The following SFMBT2 variants were observed in gnomAD, a reference collection of about 807,000 sequenced individuals.
The protein encoded by SFMBT2 is scm-like with four MBT domains protein 2.
In SFMBT2, 38 loss-of-function variants were observed where a neutral mutation model predicts 110.1. The ratio of observed to expected loss-of-function variants is 0.35; its 90% CI spans 0.27 to 0.45. SFMBT2 has a LOEUF of 0.45. Ranked by LOEUF, SFMBT2 falls within the 20% of genes least tolerant of loss-of-function variation. SFMBT2 has a pLI of 1.00. For synonymous variants in SFMBT2, 425 were observed against 425.4 expected, an observed-to-expected ratio of 1.00 and a Z score of 0.01; for missense variants, 1,011 against 1,094.9, an observed-to-expected ratio of 0.92 and a Z score of 1.08.
chr10:7,396,504 A>T (rs951363410), intron 1 of SFMBT2, among the ~76,000 whole-genome samples: 3 of 152,180 alleles, frequency 2.0e-5, no homozygotes, highest in African/African-American at 7.2e-5. Flanking sequence ...AATATTAGGC[A>T]AATTTGGGTA....
chr10:7,382,204 G>A (rs1845445863), intron 1 of SFMBT2, among the ~76,000 whole-genome samples: 1 of 152,100 alleles, frequency 6.6e-6, no homozygotes, highest in South Asian at 2.1e-4. Flanking sequence ...GAGGTCAGGA[G>A]TTCGAGACCA....
intron 4 of SFMBT2, among the ~76,000 whole-genome samples, chr10:7,347,844 C>G (rs1201324296): frequency 6.6e-6 from 1 of 152,200 alleles, no homozygotes; most frequent in Non-Finnish European, 1.5e-5. Flanking sequence ...AACATTCACC[C>G]TGCAGAATCC....
At chr10:7,213,152 C>T (rs2462721) in intron 11 of SFMBT2, among the ~76,000 whole-genome samples, 89,902 of 151,806 alleles carry the variant, frequency 0.59, 26,905 homozygotes, top group East Asian at 0.87. Context: ...ACCTAGATGA[C>T]GGGTTGATGG....
Position 7,206,445 on chromosome 10 carries a change from A to C in SFMBT2, c.1331-517T>G, listed in dbSNP as rs919323058. ...CAGCTAAACGGAACCAGTCAAACTC[A>C]AAAACAAGGTTTATGAGCAGTGTAC... is the stretch of plus-strand genomic sequence containing the variant. On this transcript the variant is annotated intron_variant, in intron 11 of 20. Coordinates refer to ENST00000397167, the MANE Select transcript of SFMBT2 (RefSeq NM_001387889.1). 3 of 985,300 alleles carry C rather than the reference A, an allele frequency of 3.0e-6. No homozygotes were observed. The African/African-American group carries it at 5.2e-5, about 17-fold the overall frequency. The allele number at this position is 985,300 out of a possible 1,614,324, so 61.0% of individuals were successfully genotyped here. A position where few individuals can be genotyped will look rare whatever the true frequency, so the allele number is the denominator to read the frequency against.
rs1170369547 is a variant in SFMBT2 at position 7,367,565 on chromosome 10, A to G, written c.436+84T>C. 1 of 1,531,994 alleles carries G rather than the reference A, an allele frequency of 6.5e-7. No homozygotes were observed. The highest frequency in any genetic ancestry group is 1.4e-5 in the African/African-American group (1 of 72,908). The allele number at this position is 1,531,994 out of a possible 1,614,324, so 94.9% of individuals were successfully genotyped here. On this transcript the variant is annotated intron_variant, in intron 4 of 20. Transcript: ENST00000397167. The surrounding 1 kb of genome is among the most constrained non-coding windows in gnomAD (Gnocchi z 6.2). The stretch of plus-strand genomic sequence containing the variant: ...ACTAAGACCATTAGGGATTCTACGC[A>G]AGGTTCTCTCTGCTCCTTGCAAAAT...
At chr10:7,322,111 T>A (rs1184119953) in intron 4 of SFMBT2, among the ~76,000 whole-genome samples, 1 of 152,216 alleles carries the variant, frequency 6.6e-6, no homozygotes, top group Admixed American at 6.5e-5. Flanking sequence ...ACGTGTCCCA[T>A]GGGAGGGACC....
intron 7 of SFMBT2, among the ~76,000 whole-genome samples, chr10:7,251,385 A>C (rs535660358): frequency 6.6e-6 from 1 of 152,252 alleles, no homozygotes; most frequent in South Asian, 2.1e-4. Flanking sequence ...GAGGCAGGAC[A>C]ATCATTTGAG....
At chr10:7,287,112 C>T (rs1588419325) in intron 4 of SFMBT2, among the ~76,000 whole-genome samples, 2 of 130,900 alleles carry the variant, frequency 1.5e-5, no homozygotes, top group African/African-American at 2.9e-5. Flanking sequence ...GACAGAGTCT[C>T]GCTCTTTCAC....
At chr10:7,306,580 G>C (rs1315080530) in intron 4 of SFMBT2, among the ~76,000 whole-genome samples, 2 of 151,854 alleles carry the variant, frequency 1.3e-5, no homozygotes, top group Non-Finnish European at 2.9e-5. Context: ...AGAAGAAGCA[G>C]GTATTCTAAG....
intron 4 of SFMBT2, among the ~76,000 whole-genome samples, chr10:7,338,553 G>A (rs765864772): frequency 3.9e-5 from 6 of 152,178 alleles, no homozygotes; most frequent in Non-Finnish European, 8.8e-5. Flanking sequence ...TATTCATTAA[G>A]CGGAAGTGGA....
chr10:7,334,410 C>T (rs1055441930), intron 4 of SFMBT2, among the ~76,000 whole-genome samples: 4 of 152,154 alleles, frequency 2.6e-5, no homozygotes, highest in Non-Finnish European at 5.9e-5. Flanking sequence ...TCACAGCTAA[C>T]GAAACCTCTT....
chr10:7,296,802 TC>T lies in SFMBT2; in HGVS notation c.437-10849del, dbSNP rs553747443. Among the ~76,000 whole-genome samples the T allele has an allele frequency of 3.6e-3, 548 of 152,334 alleles. 5 individuals are homozygous for T. Among genetic ancestry groups the T allele is most frequent in the African/African-American group, 0.013 (523 of 41,572 alleles). On this transcript the variant is annotated intron_variant, in intron 4 of 20. Coordinates refer to ENST00000397167, the MANE Select transcript of SFMBT2 (RefSeq NM_001387889.1). ...GGGCTTTGAGTAAAGCAGGCCGTCC[TC>T]CCTGACGTGGGTGGGCCTCACCCAA...
chr10:7,349,894 C>T lies in SFMBT2; in HGVS notation c.436+17755G>A, dbSNP rs146005115. Among the ~76,000 whole-genome samples, 931 of 152,170 alleles carry T rather than the reference C, an allele frequency of 6.1e-3. 6 individuals carry two copies. Among genetic ancestry groups the T allele is most frequent in the Non-Finnish European group, 7.3e-3 (495 of 68,014 alleles). On this transcript the variant is annotated intron_variant, in intron 4 of 20. Coordinates refer to ENST00000397167, the MANE Select transcript of SFMBT2 (RefSeq NM_001387889.1). ...ACAGTATTTGATGGACTGAAGATGC[C>T]GATGCAAAAATCTTCCAGTGTCTAG...
intron 4 of SFMBT2, among the ~76,000 whole-genome samples, chr10:7,362,219 G>A (rs1281997122): frequency 6.6e-6 from 1 of 152,142 alleles, no homozygotes; most frequent in African/African-American, 2.4e-5. Flanking sequence ...CAGGAACGCT[G>A]CTCTGAACGG....
Position 7,288,510 on chromosome 10 carries a change from G to A in SFMBT2, c.437-2556C>T, listed in dbSNP as rs572927290. Among the ~76,000 whole-genome samples the A allele has an allele frequency of 4.6e-5, 7 of 152,172 alleles. No homozygotes were observed. In the South Asian group the frequency reaches 6.2e-4, roughly 14 times the overall value. ...CTGTGTTCTTGTGTTCTCTTCCTTC[G>A]TTATAGATGTAGTCATCATTCTTCA... On this transcript the variant is annotated intron_variant, in intron 4 of 20. Transcript: ENST00000397167.
chr10:7,205,846 A>C lies in SFMBT2; in HGVS notation c.1413T>G (p.Ser471=). 6.2e-7 allele frequency: 1 copy of C among 1,614,126 alleles called. No homozygotes were observed. Among genetic ancestry groups the C allele is most frequent in the Non-Finnish European group, 8.5e-7 (1 of 1,179,980 alleles). The part of the protein sequence containing the change: ...IFPVGWCEAN[S]YPLTAPHKTV... Reference sequence around the variant, plus strand: ...TTTTGTGTGGTGCAGTCAAAGGATAAGAATTGGCTTCACACCAGCCCACTG... The same window carrying C: ...TTTTGTGTGGTGCAGTCAAAGGATACGAATTGGCTTCACACCAGCCCACTG... Residue 471 remains serine (S), a synonymous_variant, in exon 12 of 21, where the codon TCT becomes TCG. Coordinates refer to ENST00000397167, the MANE Select transcript of SFMBT2 (RefSeq NM_001387889.1).
At chr10:7,191,334 A>G (rs1219301828) in intron 15 of SFMBT2, among the ~76,000 whole-genome samples, 4 of 152,174 alleles carry the variant, frequency 2.6e-5, no homozygotes, top group Non-Finnish European at 5.9e-5. Flanking sequence ...GTGAGAGCAC[A>G]TGGCCGAAAC....
Position 7,171,068 on chromosome 10 carries a change from G to C in SFMBT2, c.2416-12C>G. Reference sequence around the variant, plus strand: ...TCCTGTTTCGTGTCCTGCAGAGAAAGGGCAGGAGGAGCTCAGCTGCGGCAC... The same window carrying C: ...TCCTGTTTCGTGTCCTGCAGAGAAACGGCAGGAGGAGCTCAGCTGCGGCAC... On this transcript the variant is annotated splice_polypyrimidine_tract_variant and intron_variant, in intron 19 of 20. Coordinates refer to ENST00000397167, the MANE Select transcript of SFMBT2 (RefSeq NM_001387889.1). This position sits in a 1 kb window ranked among gnomAD's most constrained non-coding sequence, Gnocchi z 4.9. The C allele has an allele frequency of 6.2e-7, 1 of 1,613,970 alleles. No homozygotes were observed. Among genetic ancestry groups the C allele is most frequent in the East Asian group, 2.2e-5 (1 of 44,872 alleles).
rs76283804 is a variant in SFMBT2, at chr10:7,402,009, A to T, written c.-52+8852T>A. Among the ~76,000 whole-genome samples the T allele has an allele frequency of 1.0e-2, 1,518 of 152,092 alleles. 29 individuals are homozygous for T. Among genetic ancestry groups the T allele is most frequent in the African/African-American group, 0.035 (1,435 of 41,466 alleles). On this transcript the variant is annotated intron_variant, in intron 1 of 20. Transcript: ENST00000397167. ...GTACCAATTGGTACCATTTATATCC[A>T]GTGACAGATATAATGCAGACAGGAG...
Sources: allele counts gnomAD v4.1 joint callset (sites outside exome capture counted in the v4.1 genomes callset), GRCh38; gene constraint gnomAD v4.1.1; non-coding constraint Gnocchi (gnomAD v3.1); transcripts MANE v1.5; gene names NCBI Gene and HGNC (gene_info 2026-07-23, HGNC 2026-07-21).